The following RIMBP2 variants were observed in gnomAD, a reference collection of about 807,000 sequenced individuals.
The protein encoded by RIMBP2 is RIMS-binding protein 2.
Under a neutral mutation model 118.6 loss-of-function variants are expected in RIMBP2, and 48 were observed. The ratio of observed to expected loss-of-function variants is 0.40; its 90% CI spans 0.32 to 0.51. The LOEUF (loss-of-function observed/expected upper bound fraction) is 0.51, where lower values mean the gene tolerates loss of function less well. Ranked by LOEUF, RIMBP2 falls within the 20% of genes least tolerant of loss-of-function variation. RIMBP2 has a pLI of 0.41. For missense variants in RIMBP2, 1,551 were observed against 1,768.3 expected, an observed-to-expected ratio of 0.88 and a Z score of 2.20; for synonymous variants, 762 against 742.9, an observed-to-expected ratio of 1.03 and a Z score of -0.42.
intron 4 of RIMBP2, among the ~76,000 whole-genome samples, chr12:130,496,774 G>A (rs530309365): frequency 7.2e-5 from 11 of 152,156 alleles, no homozygotes; most frequent in Non-Finnish European, 1.5e-4. Context: ...AAGGAGGACC[G>A]CACACTTCTC....
intron 7 of RIMBP2, among the ~76,000 whole-genome samples, chr12:130,454,461 T>G (rs1195929874): frequency 6.6e-6 from 1 of 152,184 alleles, no homozygotes; most frequent in Non-Finnish European, 1.5e-5. Context: ...GGCACTGGTG[T>G]CCACCGCCGT....
At chr12:130,467,617 C>T (rs932478431) in intron 6 of RIMBP2, among the ~76,000 whole-genome samples, 1 of 152,220 alleles carries the variant, frequency 6.6e-6, no homozygotes, top group Non-Finnish European at 1.5e-5. Context: ...ATTACTCTTT[C>T]TCTATTGCAA....
At chr12:130,417,983 A>G (rs939833877) in intron 17 of RIMBP2, among the ~76,000 whole-genome samples, 2 of 152,172 alleles carry the variant, frequency 1.3e-5, no homozygotes, top group African/African-American at 4.8e-5. Flanking sequence ...CAGCATTGGG[A>G]GAAGCAGCCC....
At chr12:130,591,314 T>C (rs904610551) in intron 2 of RIMBP2, among the ~76,000 whole-genome samples, 6 of 152,218 alleles carry the variant, frequency 3.9e-5, no homozygotes, top group Admixed American at 2.6e-4. Context: ...ACTGTCCCTG[T>C]CGCAACCACT....
At position 130,634,064 on chromosome 12, in the gene RIMBP2, G is replaced by C. The variant is rs1289128473; in HGVS notation, c.-351-5608C>G. Among the ~76,000 whole-genome samples, 3 of 152,288 alleles carry C rather than the reference G, an allele frequency of 2.0e-5. No homozygotes were observed. In the East Asian group the frequency reaches 5.8e-4, roughly 29 times the overall value. ...GCACGCCTGTCATAATGAGTCACAG[G>C]GGGGACAAGCACCCAGCGTTCAGAG... is the stretch of plus-strand genomic sequence containing the variant. On this transcript the variant is annotated intron_variant, in intron 1 of 22. Coordinates refer to ENST00000690449, the MANE Select transcript of RIMBP2 (RefSeq NM_001393629.1).
At chr12:130,690,346 G>C (rs941460027) in intron 1 of RIMBP2, among the ~76,000 whole-genome samples, 3 of 152,156 alleles carry the variant, frequency 2.0e-5, no homozygotes, top group Non-Finnish European at 4.4e-5. Flanking sequence ...CTAGGGGTCT[G>C]CCCGCCACAG....
At chr12:130,412,943 G>C (rs1230758893) in intron 18 of RIMBP2, among the ~76,000 whole-genome samples, 156 bp from the exon 19 acceptor site, 1 of 152,178 alleles carries the variant, frequency 6.6e-6, no homozygotes, top group Non-Finnish European at 1.5e-5. Context: ...CGTGTGTGCT[G>C]TGGATGTGTA....
chr12:130,425,010 G>A (rs951667611), intron 15 of RIMBP2, 152 bp from the exon 16 acceptor site: 49 of 425,892 alleles, frequency 1.2e-4, no homozygotes, highest in South Asian at 2.6e-4. Flanking sequence ...GGGGCATGCC[G>A]TGGAGGGCTC....
At chr12:130,713,246 GAA>G in intron 1 of RIMBP2, among the ~76,000 whole-genome samples, 5 of 150,312 alleles carry the variant, frequency 3.3e-5, no homozygotes, top group African/African-American at 9.9e-5. Flanking sequence ...AGGAAGGAAG[GAA>G]GGAAGGAAGG....
intron 2 of RIMBP2, among the ~76,000 whole-genome samples, chr12:130,535,654 T>C (rs1365374177): frequency 6.7e-6 from 1 of 149,138 alleles, no homozygotes; most frequent in Non-Finnish European, 1.5e-5. Flanking sequence ...TATACATACA[T>C]ATACACATAT....
At chr12:130,470,504 C>G in intron 6 of RIMBP2, 189 bp downstream of exon 6, 1 of 393,576 alleles carries the variant, frequency 2.5e-6, no homozygotes, top group Non-Finnish European at 4.5e-6. Flanking sequence ...CCTGTAAGAA[C>G]GGACCTGGTC....
chr12:130,419,040 C>T lies in RIMBP2; in HGVS notation c.3238+3413G>A, dbSNP rs1280704606. Among the ~76,000 whole-genome samples the T allele has an allele frequency of 5.9e-5, 9 of 152,162 alleles. No homozygotes were observed. The highest frequency in any genetic ancestry group is 1.0e-4 in the Non-Finnish European group (7 of 68,032). The stretch of plus-strand genomic sequence containing the variant: ...CGTATGTGAATAAAATCAGCGTATG[C>T]GGTGACTCCACCGTATGTTCTTCCA... On this transcript the variant is annotated intron_variant, in intron 17 of 22. Coordinates refer to ENST00000690449, the MANE Select transcript of RIMBP2 (RefSeq NM_001393629.1). This position sits in a 1 kb window ranked among gnomAD's most constrained non-coding sequence, Gnocchi z 4.3.
chr12:130,514,379 T>C (rs575076974), intron 3 of RIMBP2, among the ~76,000 whole-genome samples: 36 of 152,316 alleles, frequency 2.4e-4, no homozygotes, highest in Admixed American at 7.2e-4. Context: ...GGAGCAGGGA[T>C]GTCAAGCTGC....
At chr12:130,408,803 C>T (rs2075416812) in intron 19 of RIMBP2, among the ~76,000 whole-genome samples, 1 of 152,200 alleles carries the variant, frequency 6.6e-6, no homozygotes, top group African/African-American at 2.4e-5. Context: ...CAGATGAAAA[C>T]TATCAAAGGC....
At position 130,511,119 on chromosome 12, in the gene RIMBP2, A is replaced by G. The variant is rs961647549; in HGVS notation, c.-126-4349T>C. Among the ~76,000 whole-genome samples, 2 of 152,152 alleles carry G rather than the reference A, an allele frequency of 1.3e-5. No individual in the cohort carries two copies. The highest frequency in any genetic ancestry group is 4.8e-5 in the African/African-American group (2 of 41,440). On this transcript the variant is annotated intron_variant, in intron 3 of 22. Coordinates refer to ENST00000690449, the MANE Select transcript of RIMBP2 (RefSeq NM_001393629.1). This position sits in a 1 kb window ranked among gnomAD's most constrained non-coding sequence, Gnocchi z 4.3. ...CACCGGGGTTATCCAGATGGGCTCT[A>G]CGTAGTCACAGAGCCCTTATCAGGA... is the stretch of plus-strand genomic sequence containing the variant.
Position 130,424,249 on chromosome 12 carries a change from C to A in RIMBP2, c.3022G>T (p.Glu1008Ter), listed in dbSNP as rs551358092. Residue 1008 changes from glutamate to a stop codon, truncating the protein, a stop_gained, in exon 16 of 23, where the codon GAG becomes TAG. Coordinates refer to ENST00000690449, the MANE Select transcript of RIMBP2 (RefSeq NM_001393629.1). LOFTEE classifies it high-confidence loss of function. This position sits in a 1 kb window ranked among gnomAD's most constrained non-coding sequence, Gnocchi z 9.8. The stretch of plus-strand genomic sequence containing the variant: ...CAGACACCCCGAAAATCTTGGTGCT[C>A]GGTGGGCTCGCCCCAGCCGTGCTTC... ...PRKHGWGEPT[E>*]HQDFRGVWKK... The A allele has an allele frequency of 2.4e-6, 3 of 1,231,878 alleles. No homozygotes were observed. The East Asian group carries it at 9.5e-5, about 39-fold the overall frequency. 76.3% of individuals were successfully genotyped at this position (1,231,878 alleles called of 1,614,324 possible). A position where few individuals can be genotyped will look rare whatever the true frequency, so the allele number is the denominator to read the frequency against.
chr12:130,434,642 C>G lies in RIMBP2; in HGVS notation c.2253+92G>C. Reference sequence around the variant, plus strand: ...ATCTCTCTCAGGGACCCAAGGGTAGCGGGGAAAGTGCCCATGTCTCTTGAT... The same window carrying G: ...ATCTCTCTCAGGGACCCAAGGGTAGGGGGGAAAGTGCCCATGTCTCTTGAT... On this transcript the variant is annotated intron_variant, in intron 14 of 22. Coordinates refer to ENST00000690449, the MANE Select transcript of RIMBP2 (RefSeq NM_001393629.1). The surrounding 1 kb of genome is among the most constrained non-coding windows in gnomAD (Gnocchi z 5.7). 7.3e-7 allele frequency: 1 copy of G among 1,361,086 alleles called. No homozygotes were observed. Among genetic ancestry groups the G allele is most frequent in the Non-Finnish European group, 9.8e-7 (1 of 1,017,746 alleles). 84.3% of individuals were successfully genotyped at this position (1,361,086 alleles called of 1,614,324 possible).
At chr12:130,504,442 C>T (rs758370101) in intron 4 of RIMBP2, among the ~76,000 whole-genome samples, 8 of 151,978 alleles carry the variant, frequency 5.3e-5, no homozygotes, top group Non-Finnish European at 7.4e-5. Context: ...TCACTGACAA[C>T]AAAAGAAAAA....
chr12:130,479,651 C>T (rs11060934), intron 4 of RIMBP2, among the ~76,000 whole-genome samples: 85,830 of 151,328 alleles, frequency 0.57, 26,040 homozygotes, highest in Admixed American at 0.73. Flanking sequence ...TTCCCGACCT[C>T]GGGCTCTGGT....
Sources: gnomAD v4.1 joint callset for allele counts (sites outside exome capture counted in the v4.1 genomes callset) on GRCh38, gnomAD v4.1.1 for gene constraint, Gnocchi (gnomAD v3.1) non-coding constraint, MANE v1.5 for transcripts, NCBI Gene and HGNC (gene_info 2026-07-23, HGNC 2026-07-21) for gene names.